The following DAP variants were observed in gnomAD, a reference collection of about 807,000 sequenced individuals.
DAP encodes the protein death-associated protein 1.
Under a neutral mutation model 13.8 loss-of-function variants are expected in DAP, and 8 were observed. That is an observed-to-expected ratio of 0.58 (90% CI 0.34 to 1.05). The LOEUF (loss-of-function observed/expected upper bound fraction) is 1.05, where lower values mean the gene tolerates loss of function less well. DAP is among the 50% of genes least tolerant of loss of function. The probability of loss-of-function intolerance (pLI) is 0.03; values close to 1 mark genes in which losing one functional copy is unlikely to be tolerated. For synonymous variants in DAP, 47 were observed against 47.5 expected, an observed-to-expected ratio of 0.99 and a Z score of 0.04; for missense variants, 106 against 133.2, an observed-to-expected ratio of 0.80 and a Z score of 1.01.
Position 10,680,889 on chromosome 5 carries a change from T to A in DAP, c.*167A>T. The A allele has an allele frequency of 2.3e-5, 36 of 1,537,154 alleles. No individual in the cohort carries two copies. The highest frequency in any genetic ancestry group is 3.1e-5 in the Non-Finnish European group (36 of 1,146,992). ...CCATAAACAAGGTTTGGGCTGGAGC[T>A]GTTTCTAGTTTTAAATATGGAAATG... On this transcript the variant is annotated 3_prime_UTR_variant, in exon 4 of 4. Transcript: ENST00000230895.
At chr5:10,695,856 T>G (rs1738426099) in intron 2 of DAP, among the ~76,000 whole-genome samples, 1 of 152,118 alleles carries the variant, frequency 6.6e-6, no homozygotes, top group East Asian at 1.9e-4. Flanking sequence ...ATGTCAAAAC[T>G]TCACAGAGAT....
At chr5:10,733,214 T>C (rs1045020874) in intron 2 of DAP, among the ~76,000 whole-genome samples, 1 of 144,478 alleles carries the variant, frequency 6.9e-6, no homozygotes, top group Non-Finnish European at 1.5e-5. Flanking sequence ...GTGTATACCC[T>C]ACATTTTGTT....
At chr5:10,742,325 G>A (rs540182472) in intron 2 of DAP, among the ~76,000 whole-genome samples, 1 of 152,148 alleles carries the variant, frequency 6.6e-6, no homozygotes, top group African/African-American at 2.4e-5. Context: ...ACAAGGTCAG[G>A]AGTTCAAGAC....
At chr5:10,715,450 T>C (rs1057035956) in intron 2 of DAP, among the ~76,000 whole-genome samples, 1 of 152,144 alleles carries the variant, frequency 6.6e-6, no homozygotes. Flanking sequence ...CTTGGGGACA[T>C]GGAGTAGAAG....
At chr5:10,692,122 C>T (rs575875483) in intron 2 of DAP, among the ~76,000 whole-genome samples, 1 of 152,262 alleles carries the variant, frequency 6.6e-6, no homozygotes, top group South Asian at 2.1e-4. Flanking sequence ...GGCTGAGAAA[C>T]CCAAATTCAT....
At chr5:10,683,247 G>C in intron 3 of DAP, 1 of 513,636 alleles carries the variant, frequency 1.9e-6, no homozygotes, top group South Asian at 2.2e-5. Flanking sequence ...TCACTGCGGG[G>C]GTTTGCTGAT....
chr5:10,747,747 TG>T (rs1201981470), intron 2 of DAP, among the ~76,000 whole-genome samples: 1 of 152,206 alleles, frequency 6.6e-6, no homozygotes, highest in Non-Finnish European at 1.5e-5. Flanking sequence ...GGTCCAGCCT[TG>T]GGAAGAGGGT....
At chr5:10,699,600 T>A (rs1488890809) in intron 2 of DAP, among the ~76,000 whole-genome samples, 1 of 152,176 alleles carries the variant, frequency 6.6e-6, no homozygotes. Flanking sequence ...ACTAAGAATG[T>A]CCTTATTGAC....
chr5:10,696,441 T>C (rs1425179875), intron 2 of DAP, among the ~76,000 whole-genome samples: 4 of 152,172 alleles, frequency 2.6e-5, no homozygotes, highest in Non-Finnish European at 5.9e-5. Flanking sequence ...AGCAGTGTCA[T>C]GGCACGTTTG....
intron 2 of DAP, among the ~76,000 whole-genome samples, chr5:10,737,069 G>T (rs925603142): frequency 1.3e-4 from 20 of 152,336 alleles, no homozygotes; most frequent in Admixed American, 4.6e-4. Flanking sequence ...AGCTGAGCCA[G>T]GTACGGTGGC....
At chr5:10,730,741 G>A (rs1454180227) in intron 2 of DAP, among the ~76,000 whole-genome samples, 2 of 104,594 alleles carry the variant, frequency 1.9e-5, no homozygotes, top group East Asian at 6.9e-4. Context: ...GAGAGCCCTG[G>A]TGGGGGGAAT....
At position 10,730,408 on chromosome 5, in the gene DAP, C is replaced by A. The variant is rs553345816; in HGVS notation, c.152+17767G>T. On this transcript the variant is annotated intron_variant, in intron 2 of 3. Transcript: ENST00000230895. ...TACTACAAGAGTGGGGGACTGAGAGCCCCGGTGGGGGGGAATCTTTCTCTA... is the reference window on the plus strand; with the variant it reads ...TACTACAAGAGTGGGGGACTGAGAGACCCGGTGGGGGGGAATCTTTCTCTA... Among the ~76,000 whole-genome samples the A allele has an allele frequency of 6.7e-4, 102 of 152,366 alleles. 3 individuals carry two copies. The South Asian group carries it at 0.019, about 29-fold the overall frequency.
At chr5:10,708,623 C>T (rs890056584) in intron 2 of DAP, among the ~76,000 whole-genome samples, 1 of 152,182 alleles carries the variant, frequency 6.6e-6, no homozygotes, top group Non-Finnish European at 1.5e-5. Flanking sequence ...GTGAAAAGCA[C>T]AGCGACTCTG....
At chr5:10,692,475 T>A (rs927831216) in intron 2 of DAP, among the ~76,000 whole-genome samples, 2 of 152,052 alleles carry the variant, frequency 1.3e-5, no homozygotes, top group Non-Finnish European at 2.9e-5. Context: ...TGGGCCGGAT[T>A]CTGTCTCCCT....
intron 2 of DAP, among the ~76,000 whole-genome samples, chr5:10,687,162 ATTCCT>A (rs1317830109): frequency 3.9e-5 from 6 of 152,206 alleles, no homozygotes; most frequent in African/African-American, 9.6e-5. Flanking sequence ...AGAAAAAAAG[ATTCCT>A]TTCAAAGTAT....
At chr5:10,703,104 G>A (rs867233415) in intron 2 of DAP, among the ~76,000 whole-genome samples, 30 of 152,304 alleles carry the variant, frequency 2.0e-4, no homozygotes, top group African/African-American at 6.5e-4. Context: ...GCCTGTTTCT[G>A]TTGATTCCCC....
intron 2 of DAP, among the ~76,000 whole-genome samples, chr5:10,710,282 T>C (rs1269326822): frequency 6.6e-6 from 1 of 152,204 alleles, no homozygotes; most frequent in East Asian, 1.9e-4. Context: ...TGAAAAGTCC[T>C]GTAAACGGAT....
chr5:10,727,472 G>T (rs888633322), intron 2 of DAP, among the ~76,000 whole-genome samples: 1 of 152,176 alleles, frequency 6.6e-6, no homozygotes, highest in Non-Finnish European at 1.5e-5. Context: ...CCTGACAGTC[G>T]GCCGTGAGAG....
At chr5:10,752,201 C>T (rs1228282328) in intron 1 of DAP, among the ~76,000 whole-genome samples, 2 of 152,228 alleles carry the variant, frequency 1.3e-5, no homozygotes, top group African/African-American at 4.8e-5. Flanking sequence ...CCAGCATTAG[C>T]ACTTGCATTT....
Sources: allele counts gnomAD v4.1 joint callset (sites outside exome capture counted in the v4.1 genomes callset), GRCh38; gene constraint gnomAD v4.1.1; transcripts MANE v1.5; gene names NCBI Gene and HGNC (gene_info 2026-07-23, HGNC 2026-07-21).